The following PSMD6 variants were observed in gnomAD, a reference collection of about 807,000 sequenced individuals.
PSMD6 encodes the protein 26S proteasome non-ATPase regulatory subunit 6.
A neutral mutation model predicts 44.9 loss-of-function variants in PSMD6; 7 were observed. That is an observed-to-expected ratio of 0.16 (90% CI 0.09 to 0.29). The LOEUF (loss-of-function observed/expected upper bound fraction) is 0.29. PSMD6 is among the 10% of genes least tolerant of loss of function. The pLI is 1.00. For synonymous variants in PSMD6, 184 were observed against 172.7 expected (o/e 1.07, Z -0.51); for missense variants, 420 against 482.6 (o/e 0.87, Z 1.21).
chr3:64,014,416 A>ATGAT (rs1429334431), intron 5 of PSMD6: 6 of 152,164 alleles, frequency 3.9e-5, no homozygotes, highest in African/African-American at 1.2e-4. Context: ...TAAAAGTAAC[A>ATGAT]TGATAGAGTG....
intron 1 of PSMD6, 75 bp from the exon 2 acceptor site, chr3:64,022,598 C>CCCCCG: frequency 1.3e-6 from 2 of 1,547,736 alleles, no homozygotes; most frequent in Non-Finnish European, 8.7e-7. Context: ...CGTATTTCAC[C>CCCCCG]CCCCGCCCCG....
chr3:64,022,633 C>T, intron 1 of PSMD6, 110 bp from the exon 2 acceptor site: 1 of 1,569,092 alleles, frequency 6.4e-7, no homozygotes, highest in Admixed American at 1.8e-5. Context: ...CCAGTCTCTT[C>T]CCCACTAACA....
At chr3:64,011,037 AAATTTGTAACAAACATTT>A in intron 6 of PSMD6, 82 bp from the exon 7 acceptor site, 2 of 1,160,770 alleles carry the variant, frequency 1.7e-6, no homozygotes, top group Non-Finnish European at 1.2e-6. Flanking sequence ...ATACTGTCTT[AAATTTGTAACAAACATTT>A]AGCTTCCCTT....
rs1246389586 is a variant in PSMD6, at chr3:64,023,485, G to C, written c.-66C>G. The C allele has an allele frequency of 2.0e-6, 3 of 1,485,296 alleles. No individual in the cohort carries two copies. The highest frequency in any genetic ancestry group is 2.7e-6 in the Non-Finnish European group (3 of 1,110,854). 92.0% of individuals were successfully genotyped at this position (1,485,296 alleles called of 1,614,324 possible). On this transcript the variant is annotated 5_prime_UTR_variant, in exon 1 of 8. Transcript: ENST00000295901. ...TACGACCGGCTGCGGCAGCGGAAGC[G>C]GGAGGAGTCGGCGAATACGCCCGGC...
intron 2 of PSMD6, 35 bp from the exon 3 acceptor site, chr3:64,019,476 G>T: frequency 6.3e-7 from 1 of 1,585,138 alleles, no homozygotes; most frequent in African/African-American, 1.4e-5. Context: ...GTGAGAAAAG[G>T]CTACAAGTTT....
At position 64,022,352 on chromosome 3, in the gene PSMD6, G is replaced by A. The variant is rs1309974508; in HGVS notation, c.317C>T (p.Ala106Val). ...GESEIRDAMMAKAEYLCRIGD... is the reference protein window; with the variant it reads ...GESEIRDAMMVKAEYLCRIGD... The stretch of plus-strand genomic sequence containing the variant: ...TATCCGGCAGAGGTACTCGGCCTTT[G>A]CCATCATTGCATCGCGAATTTCGCT... The change falls in exon 2 of 8, where the codon GCA (alanine) becomes GTA (valine). Residue 106 changes from alanine (A) to valine (V), a missense_variant. Physicochemically the swap from Ala to Val is moderately conservative, Grantham distance 64. Transcript: ENST00000295901. 17 of 1,614,086 alleles carry A rather than the reference G, an allele frequency of 1.1e-5. No individual in the cohort carries two copies. Among genetic ancestry groups the A allele is most frequent in the Non-Finnish European group, 1.4e-5 (16 of 1,180,048 alleles).
chr3:64,010,978 C>A (rs750476292), intron 6 of PSMD6, 23 bp from the exon 7 acceptor site: 2 of 1,542,922 alleles, frequency 1.3e-6, no homozygotes, highest in Non-Finnish European at 1.8e-6. Context: ...CAAAAAATAA[C>A]AGAATTAGCT....
At chr3:64,013,059 C>G (rs1559673467) in intron 6 of PSMD6, 3 of 160,238 alleles carry the variant, frequency 1.9e-5, no homozygotes, top group Non-Finnish European at 4.1e-5. Context: ...GCAGCAGCAA[C>G]CTAAAAACTG....
chr3:64,018,289 C>A (rs79493432), intron 5 of PSMD6: 1 of 192,630 alleles, frequency 5.2e-6, no homozygotes, highest in East Asian at 1.3e-4. Flanking sequence ...GGCAAATACC[C>A]TCAGCAAAGG....
At chr3:64,018,562 G>T in intron 5 of PSMD6, 37 bp downstream of exon 5, 1 of 1,436,620 alleles carries the variant, frequency 7.0e-7, no homozygotes, top group Non-Finnish European at 9.7e-7. Flanking sequence ...GGAGTAAGAT[G>T]AAGACAGATA....
intron 5 of PSMD6, chr3:64,016,004 AGTGAAACCCT>A (rs2076037806): frequency 6.6e-6 from 1 of 151,996 alleles, no homozygotes; most frequent in Non-Finnish European, 1.5e-5. Flanking sequence ...TGGCTAACAC[AGTGAAACCCT>A]GTCTCTACTA....
chr3:64,022,416 C>T lies in PSMD6; in HGVS notation c.253G>A (p.Asp85Asn), dbSNP rs1175571541. ...TTCTCTGCATCTTCCAGCTCCTCAT[C>T]CAAACGCTTCAACTCATCTTCATTT... ...KANEDELKRLDEELEDAEKNL... is the reference protein window; with the variant it reads ...KANEDELKRLNEELEDAEKNL... The change falls in exon 2 of 8, where the codon GAT becomes AAT. Residue 85 changes from aspartate (D) to asparagine (N), a missense_variant. By Grantham distance (23) the Asp-to-Asn change is conservative (BLOSUM62 1). Around this residue, in one of 4 missense-constraint regions of PSMD6, gnomAD observed 136 missense variants for 124.2 expected, o/e 1.09. Coordinates refer to ENST00000295901, the MANE Select transcript of PSMD6 (RefSeq NM_014814.3). 1.2e-6 allele frequency: 2 copies of T among 1,614,240 alleles called. No individual in the cohort carries two copies. Among genetic ancestry groups the T allele is most frequent in the South Asian group, 2.2e-5 (2 of 91,092 alleles).
chr3:64,021,575 G>A lies in PSMD6; in HGVS notation c.351+743C>T, dbSNP rs569403879. On this transcript the variant is annotated intron_variant, in intron 2 of 7. Coordinates refer to ENST00000295901, the MANE Select transcript of PSMD6 (RefSeq NM_014814.3). ...TATAATCCCAGCACTTTCGGAGGCCGAGACAGGTGGATCACCTGAGGTCAG... is the reference window on the plus strand; with the variant it reads ...TATAATCCCAGCACTTTCGGAGGCCAAGACAGGTGGATCACCTGAGGTCAG... 4.6e-5 allele frequency among the ~76,000 whole-genome samples: 7 copies of A among 152,282 alleles called. No individual in the cohort carries two copies. In the South Asian group the frequency reaches 8.3e-4, roughly 18 times the overall value.
chr3:64,014,618 AAAG>A (rs1364847779), intron 5 of PSMD6: 1 of 152,138 alleles, frequency 6.6e-6, no homozygotes. Flanking sequence ...GTGAGCAAGA[AAAG>A]AGACTCTAGA....
chr3:64,013,626 C>G lies in PSMD6; in HGVS notation c.827-19G>C. 1 of 1,593,490 alleles carries G rather than the reference C, an allele frequency of 6.3e-7. No individual in the cohort carries two copies. The highest frequency in any genetic ancestry group is 8.5e-7 in the Non-Finnish European group (1 of 1,171,210). ...ACAACCGCTGCAATGAATAAAATGA[C>G]AAATTATAATAGACTCTCCGTTTCA... On this transcript the variant is annotated intron_variant, in intron 5 of 7. Transcript: ENST00000295901.
At position 64,018,805 on chromosome 3, in the gene PSMD6, G is replaced by A. The variant is rs1559676931; in HGVS notation, c.717+13C>T. ...CAAGTCTTTAAATTTGAGTATTAAA[G>A]TTTGGTCATTACCTTTTCCCTGAGA... is the stretch of plus-strand genomic sequence containing the variant. On this transcript the variant is annotated intron_variant, in intron 4 of 7. Transcript: ENST00000295901. 6 of 1,553,474 alleles carry A rather than the reference G, an allele frequency of 3.9e-6. No homozygotes were observed. In the East Asian group the frequency reaches 9.0e-5, roughly 23 times the overall value.
At chr3:64,018,762 G>C (rs2076087255) in intron 4 of PSMD6, 55 bp from the exon 5 acceptor site, 4 of 1,522,790 alleles carry the variant, frequency 2.6e-6, no homozygotes, top group Admixed American at 3.6e-5. Flanking sequence ...AATGATTTGT[G>C]TATTTAAACA....
chr3:64,018,995 T>C lies in PSMD6; in HGVS notation c.540A>G (p.Leu180=), dbSNP rs972618006. ...EGGDWDRRNR[L]KVYQGLYCVA... is the part of the protein sequence containing the mutation. ...CACAATAAAGACCCTGATACACTTT[T>C]AGGCGGTTTCTCCTGTCCCAGTCTC... The change falls in exon 4 of 8, where the codon CTA becomes CTG. Residue 180 remains leucine, a synonymous_variant. Transcript: ENST00000295901. 34 of 1,612,556 alleles carry C rather than the reference T, an allele frequency of 2.1e-5. No individual in the cohort carries two copies. The highest frequency in any genetic ancestry group is 2.8e-5 in the Non-Finnish European group (33 of 1,178,676).
At chr3:64,022,552 T>G in intron 1 of PSMD6, 29 bp from the exon 2 acceptor site, 2 of 1,611,588 alleles carry the variant, frequency 1.2e-6, no homozygotes, top group Non-Finnish European at 1.7e-6. Context: ...GATGTGTGAG[T>G]GGGGACACTT....
Sources: gnomAD v4.1 joint callset for allele counts (sites outside exome capture counted in the v4.1 genomes callset) on GRCh38, gnomAD v4.1.1 for gene constraint, gnomAD v4.1.1 regional missense constraint, MANE v1.5 for transcripts, NCBI Gene and HGNC (gene_info 2026-07-23, HGNC 2026-07-21) for gene names.